C1orf141: variants seen among roughly 807,000 people sequenced by gnomAD.
C1orf141 encodes uncharacterized protein C1orf141.
A neutral mutation model predicts 23.2 loss-of-function variants in C1orf141; 19 were observed. The ratio of observed to expected loss-of-function variants is 0.82; its 90% CI spans 0.57 to 1.20. C1orf141 has a LOEUF of 1.20. C1orf141 is among the 50% of genes most tolerant of loss of function. The probability of loss-of-function intolerance (pLI) is 0.00; values close to 1 mark genes in which losing one functional copy is unlikely to be tolerated. For synonymous variants in C1orf141, 153 were observed against 154.6 expected, an observed-to-expected ratio of 0.99 and a Z score of 0.08; for missense variants, 469 against 455.1, an observed-to-expected ratio of 1.03 and a Z score of -0.28.
chr1:67,093,622 G>A lies in C1orf141; in HGVS notation c.604-18C>T, dbSNP rs1009723425. On this transcript the variant is annotated intron_variant, in intron 7 of 7. Coordinates refer to ENST00000684719, the MANE Select transcript of C1orf141 (RefSeq NM_001276351.2). ...TTTTGTTCCTGTAGATTAAAGAAAA[G>A]AATAATTAGTCATAAGTTCATTGAG... is the stretch of plus-strand genomic sequence containing the variant. 1.6e-5 allele frequency: 24 copies of A among 1,502,320 alleles called. 1 individual carries two copies. In the South Asian group the frequency reaches 3.2e-4, roughly 20 times the overall value. 93.1% of individuals were successfully genotyped at this position (1,502,320 alleles called of 1,614,324 possible).
At position 67,095,272 on chromosome 1, in the gene C1orf141, A is replaced by T. The variant is rs776224740; in HGVS notation, c.566T>A (p.Val189Asp). 5.6e-6 allele frequency: 9 copies of T among 1,598,366 alleles called. No individual in the cohort carries two copies. In the African/African-American group the frequency reaches 1.2e-4, roughly 22 times the overall value. The change falls in exon 7 of 8, where the codon GTC becomes GAC. Residue 189 changes from valine to aspartate, a missense_variant. Transcript: ENST00000684719. ...DELKNPHAKI[V>D]NVSPTKTVTS... ...TACTGTCTTTGTTGGACTAACGTTG[A>T]CTATCTTGGCATGTGGATTTTTCAA...
chr1:67,102,084 T>A (rs1429759293), intron 5 of C1orf141, among the ~76,000 whole-genome samples: 1 of 152,166 alleles, frequency 6.6e-6, no homozygotes, highest in Non-Finnish European at 1.5e-5. Context: ...TAATCTAAGC[T>A]GTGTTTTTCA....
At chr1:67,111,824 G>A (rs1646079646) in intron 5 of C1orf141, among the ~76,000 whole-genome samples, 1 of 152,172 alleles carries the variant, frequency 6.6e-6, no homozygotes, top group African/African-American at 2.4e-5. Context: ...TTGCCTTAAA[G>A]TGAATTTCTA....
intron 5 of C1orf141, among the ~76,000 whole-genome samples, chr1:67,104,274 T>A (rs1276666383): frequency 6.6e-6 from 1 of 151,980 alleles, no homozygotes; most frequent in Non-Finnish European, 1.5e-5. Flanking sequence ...ATGCTAAGAT[T>A]TAAAAGATGA....
At chr1:67,112,857 C>T (rs889923288) in intron 5 of C1orf141, among the ~76,000 whole-genome samples, 1 of 152,104 alleles carries the variant, frequency 6.6e-6, no homozygotes, top group Non-Finnish European at 1.5e-5. Context: ...TGACATTAAC[C>T]AAAATATGCA....
upstream of C1orf141, among the ~76,000 whole-genome samples, chr1:67,138,624 T>C (rs1028926429): frequency 6.6e-6 from 1 of 152,200 alleles, no homozygotes; most frequent in African/African-American, 2.4e-5. Context: ...ATAGAACTTC[T>C]ACCATCTGAG....
At chr1:67,106,407 G>A (rs1214129719) in intron 5 of C1orf141, among the ~76,000 whole-genome samples, 2 of 152,198 alleles carry the variant, frequency 1.3e-5, no homozygotes, top group South Asian at 2.1e-4. Context: ...AGCCCTTTAA[G>A]AGGCTGAGGC....
intron 5 of C1orf141, chr1:67,111,579 C>G (rs903029562): frequency 7.8e-7 from 1 of 1,275,590 alleles, no homozygotes; most frequent in African/African-American, 1.5e-5. Context: ...ACACCTACCT[C>G]AGTTGTATCC....
upstream of C1orf141, among the ~76,000 whole-genome samples, chr1:67,137,618 G>GT (rs1160609028): frequency 2.6e-5 from 4 of 152,252 alleles, no homozygotes; most frequent in East Asian, 7.7e-4. Context: ...GACTATGCAG[G>GT]TGTGGCCACC....
At chr1:67,106,715 A>G (rs1645936745) in intron 5 of C1orf141, among the ~76,000 whole-genome samples, 1 of 152,206 alleles carries the variant, frequency 6.6e-6, no homozygotes, top group South Asian at 2.1e-4. Flanking sequence ...TCATGAAAAA[A>G]GTAAAATATG....
At chr1:67,127,669 C>G (rs1236075844) in intron 2 of C1orf141, among the ~76,000 whole-genome samples, 1 of 152,054 alleles carries the variant, frequency 6.6e-6, no homozygotes, top group African/African-American at 2.4e-5. Flanking sequence ...GAGTCTTACT[C>G]TGTCACCCAG....
intron 5 of C1orf141, among the ~76,000 whole-genome samples, chr1:67,098,297 G>A (rs1486360448): frequency 6.6e-6 from 1 of 152,160 alleles, no homozygotes; most frequent in African/African-American, 2.4e-5. Context: ...GAGGTGGGTG[G>A]ATCACTTGAG....
chr1:67,133,739 G>A (rs1432106051), intron 1 of C1orf141, among the ~76,000 whole-genome samples: 2 of 152,142 alleles, frequency 1.3e-5, no homozygotes, highest in Non-Finnish European at 2.9e-5. Context: ...GAGGAAAGTC[G>A]TTGTGAAGAT....
chr1:67,103,148 C>T, intron 5 of C1orf141: 1 of 656,220 alleles, frequency 1.5e-6, no homozygotes, highest in Non-Finnish European at 2.3e-6. Context: ...GACGAATATT[C>T]CTTGGATAAA....
intron 5 of C1orf141, among the ~76,000 whole-genome samples, chr1:67,098,289 G>A (rs912773623): frequency 3.9e-5 from 6 of 152,190 alleles, no homozygotes; most frequent in African/African-American, 1.2e-4. Flanking sequence ...AAGAGGCTGA[G>A]GTGGGTGGAT....
At chr1:67,101,333 C>T (rs1352192838) in intron 5 of C1orf141, among the ~76,000 whole-genome samples, 4 of 152,136 alleles carry the variant, frequency 2.6e-5, no homozygotes, top group Non-Finnish European at 4.4e-5. Context: ...ATTGCTAACA[C>T]AGACTTTGAA....
At position 67,114,512 on chromosome 1, in the gene C1orf141, TA is replaced by T. The variant is rs545620135; in HGVS notation, c.346+839del. On this transcript the variant is annotated intron_variant, in intron 5 of 7. Coordinates refer to ENST00000684719, the MANE Select transcript of C1orf141 (RefSeq NM_001276351.2). The stretch of plus-strand genomic sequence containing the variant: ...GAAGCATAATAGAGAAATTAAGCAA[TA>T]GGGGGTGATGTGGAGTCAAGAAACC... 3.3e-5 allele frequency among the ~76,000 whole-genome samples: 5 copies of T among 152,168 alleles called. No homozygotes were observed. In the East Asian group the frequency reaches 7.7e-4, roughly 24 times the overall value.
intron 7 of C1orf141, 128 bp downstream of exon 7, chr1:67,095,107 A>T: frequency 1.7e-6 from 1 of 581,812 alleles, no homozygotes. Flanking sequence ...TGCTGTTATC[A>T]CTTTGGAATA....
chr1:67,095,018 A>G, intron 7 of C1orf141: 1 of 447,206 alleles, frequency 2.2e-6, no homozygotes, highest in Non-Finnish European at 3.9e-6. Flanking sequence ...GCTTCTTCAT[A>G]AAGAAAAACA....
Sources: allele counts gnomAD v4.1 joint callset (sites outside exome capture counted in the v4.1 genomes callset), GRCh38; gene constraint gnomAD v4.1.1; transcripts MANE v1.5; gene names NCBI Gene and HGNC (gene_info 2026-07-23, HGNC 2026-07-21).